Variants in STAU1 observed in about 807,000 individuals in gnomAD.
STAU1 encodes the protein staufen double-stranded RNA binding protein 1.
In STAU1, 13 loss-of-function variants were observed where a neutral mutation model predicts 62.9. The ratio of observed to expected loss-of-function variants is 0.21; its 90% CI spans 0.13 to 0.33. The LOEUF is 0.33. Among genes scored for constraint, STAU1 ranks in the 10% least tolerant of loss-of-function variants. The probability of loss-of-function intolerance (pLI) is 1.00; values close to 1 mark genes in which losing one functional copy is unlikely to be tolerated. For missense variants in STAU1, 571 were observed against 712.1 expected (o/e 0.80, Z 2.25); for synonymous variants, 269 against 265.1 (o/e 1.01, Z -0.14).
At chr20:49,181,763 CAACAAAAAAAAAAAAAA>C (rs1203057751) in intron 1 of STAU1, among the ~76,000 whole-genome samples, 5 of 66,708 alleles carry the variant, frequency 7.5e-5, no homozygotes, top group African/African-American at 1.2e-4. Context: ...AAGACTATCT[CAACAAAAAAAAAAAAAA>C]AAAAAAAAAA....
chr20:49,180,050 G>C (rs188559964), intron 1 of STAU1, among the ~76,000 whole-genome samples: 85 of 152,280 alleles, frequency 5.6e-4, no homozygotes, highest in African/African-American at 2.0e-3. Context: ...GAATACCAAA[G>C]AAGCTTCTGA....
chr20:49,194,153 G>A, the STAU1 span, among the ~76,000 whole-genome samples: 1 of 151,790 alleles, frequency 6.6e-6, no homozygotes, highest in East Asian at 1.9e-4. Context: ...ACTGGGCTGG[G>A]CACTGTGGCT....
the STAU1 span, among the ~76,000 whole-genome samples, chr20:49,207,691 AT>A: frequency 0.32 from 46,909 of 148,762 alleles, 7,589 homozygotes; most frequent in African/African-American, 0.33. Context: ...AATTTTTTGT[AT>A]TTTTTTTTTA....
chr20:49,159,499 G>A (rs1043501169), intron 3 of STAU1, among the ~76,000 whole-genome samples: 4 of 152,050 alleles, frequency 2.6e-5, no homozygotes, highest in African/African-American at 9.7e-5. Context: ...GTTAAGGTCT[G>A]CAAAAAAATC....
At chr20:49,201,311 C>A in the STAU1 span, among the ~76,000 whole-genome samples, 28 of 151,964 alleles carry the variant, frequency 1.8e-4, no homozygotes, top group Non-Finnish European at 8.8e-5. Context: ...AAACTAATGT[C>A]ATTGATGAGG....
At chr20:49,125,086 A>AAAAC (rs1252990398) in intron 6 of STAU1, among the ~76,000 whole-genome samples, 1 of 150,452 alleles carries the variant, frequency 6.6e-6, no homozygotes, top group East Asian at 1.9e-4. Context: ...AAAAAAAAAA[A>AAAAC]AAAAACCCAC....
chr20:49,154,075 CAAGA>C lies in STAU1; in HGVS notation c.206-8_206-5del. On this transcript the variant is annotated splice_polypyrimidine_tract_variant and splice_region_variant and intron_variant, in intron 3 of 13. Coordinates refer to ENST00000371856, the MANE Select transcript of STAU1 (RefSeq NM_017453.4). ...TCTACAGTAGGGGTTATGCTTTCTG[CAAGA>C]AAGAATCGACAAAGAACTGTTTTTT... The C allele has an allele frequency of 6.3e-7, 1 of 1,589,540 alleles. No homozygotes were observed. The highest frequency in any genetic ancestry group is 2.2e-5 in the East Asian group (1 of 44,652).
chr20:49,124,628 T>C (rs1420961754), intron 6 of STAU1, 41 bp from the exon 7 acceptor site: 1 of 1,606,326 alleles, frequency 6.2e-7, no homozygotes, highest in Non-Finnish European at 8.5e-7. Context: ...GGACAGACAC[T>C]TATTAAAAGC....
chr20:49,173,272 A>C (rs1158931131), intron 2 of STAU1, among the ~76,000 whole-genome samples: 1 of 151,366 alleles, frequency 6.6e-6, no homozygotes, highest in Non-Finnish European at 1.5e-5. Context: ...AGCCTGACCA[A>C]CACGGTGAAA....
intron 5 of STAU1, 92 bp from the exon 6 acceptor site, chr20:49,136,023 G>A (rs932034936): frequency 7.6e-5 from 73 of 957,720 alleles, no homozygotes; most frequent in Admixed American, 2.4e-4. Context: ...CACTTTGAAG[G>A]CTAAGGCAGG....
At chr20:49,139,219 G>C (rs2092955547) in intron 5 of STAU1, among the ~76,000 whole-genome samples, 1 of 152,076 alleles carries the variant, frequency 6.6e-6, no homozygotes, top group Non-Finnish European at 1.5e-5. Context: ...GACAACAAAA[G>C]AAACATTAAT....
intron 9 of STAU1, among the ~76,000 whole-genome samples, chr20:49,118,698 C>G (rs1261642295): frequency 6.6e-6 from 1 of 152,216 alleles, no homozygotes; most frequent in Non-Finnish European, 1.5e-5. Context: ...AGACGGGAAG[C>G]ATTTAACCAG....
chr20:49,140,329 A>G (rs529989195), intron 5 of STAU1, among the ~76,000 whole-genome samples: 15 of 152,202 alleles, frequency 9.9e-5, no homozygotes, highest in African/African-American at 3.6e-4. Context: ...AAAAGACCTG[A>G]AAGTAGCAAC....
intron 3 of STAU1, 63 bp downstream of exon 3, chr20:49,165,934 T>A (rs1298750882): frequency 1.3e-6 from 2 of 1,547,518 alleles, no homozygotes; most frequent in Non-Finnish European, 1.8e-6. Flanking sequence ...CTGCAACCTA[T>A]CAGATCAGAA....
chr20:49,201,009 G>A, the STAU1 span, among the ~76,000 whole-genome samples: 2 of 119,552 alleles, frequency 1.7e-5, no homozygotes, highest in African/African-American at 3.2e-5. Flanking sequence ...ACTGCACTCT[G>A]CACTTCAGCC....
At chr20:49,180,367 AG>A (rs1349438827) in intron 1 of STAU1, among the ~76,000 whole-genome samples, 1 of 145,984 alleles carries the variant, frequency 6.9e-6, no homozygotes. Context: ...TCTGTTGCCC[AG>A]GCTGAAGTGC....
chr20:49,147,522 T>C (rs2093154139), intron 5 of STAU1, among the ~76,000 whole-genome samples: 1 of 152,256 alleles, frequency 6.6e-6, no homozygotes, highest in Non-Finnish European at 1.5e-5. Context: ...GGGCTGCTTA[T>C]GGCCTGTCAG....
At chr20:49,172,148 T>C (rs1843214893) in intron 2 of STAU1, among the ~76,000 whole-genome samples, 1 of 152,202 alleles carries the variant, frequency 6.6e-6, no homozygotes, top group Middle Eastern at 3.2e-3. Flanking sequence ...GGACTTTCTT[T>C]CCACACAAAT....
intron 8 of STAU1, among the ~76,000 whole-genome samples, chr20:49,121,130 G>C (rs1247650026): frequency 6.6e-6 from 1 of 152,052 alleles, no homozygotes; most frequent in Non-Finnish European, 1.5e-5. Flanking sequence ...CAACCAGCCG[G>C]GCGTGGTGGC....
Sources: gnomAD v4.1 joint callset for allele counts (sites outside exome capture counted in the v4.1 genomes callset) on GRCh38, gnomAD v4.1.1 for gene constraint, MANE v1.5 for transcripts, NCBI Gene and HGNC (gene_info 2026-07-23, HGNC 2026-07-21) for gene names.